Variants in KLHDC1 observed in about 807,000 individuals in gnomAD.
The protein encoded by KLHDC1 is kelch domain-containing protein 1.
In KLHDC1, 53 loss-of-function variants were observed where a neutral mutation model predicts 68.3. The observed-to-expected ratio is 0.78, with a 90% CI of 0.62 to 0.98. The LOEUF is 0.98. KLHDC1 is among the 50% of genes least tolerant of loss of function. The pLI is 0.00. For missense variants in KLHDC1, 470 were observed against 492.3 expected, an observed-to-expected ratio of 0.95 and a Z score of 0.43; for synonymous variants, 148 against 159.0, an observed-to-expected ratio of 0.93 and a Z score of 0.52.
chr14:49,745,696 G>A (rs1270387471), intron 12 of KLHDC1, among the ~76,000 whole-genome samples: 1 of 152,196 alleles, frequency 6.6e-6, no homozygotes, highest in Admixed American at 6.5e-5. Flanking sequence ...GGGTGTTAGT[G>A]TAAAGATATA....
At chr14:49,702,676 G>A (rs982238637) in intron 1 of KLHDC1, among the ~76,000 whole-genome samples, 1 of 152,070 alleles carries the variant, frequency 6.6e-6, no homozygotes, top group Admixed American at 6.6e-5. Context: ...TCAATGTCTA[G>A]AACTGGTTAC....
intron 6 of KLHDC1, among the ~76,000 whole-genome samples, chr14:49,727,724 T>A (rs1888706858): frequency 1.3e-5 from 2 of 152,208 alleles, no homozygotes. Flanking sequence ...CCAAAATTCT[T>A]AAGTGGTTCT....
chr14:49,723,973 T>G (rs1888603720), intron 5 of KLHDC1, 21 bp downstream of exon 5: 1 of 1,433,026 alleles, frequency 7.0e-7, no homozygotes, highest in African/African-American at 1.4e-5. Context: ...AATCACTGTT[T>G]ACATTTTCCT....
chr14:49,701,081 CA>C (rs1176668641), intron 1 of KLHDC1, among the ~76,000 whole-genome samples: 63 of 108,702 alleles, frequency 5.8e-4, no homozygotes, highest in Admixed American at 5.9e-4. Flanking sequence ...GACTCCATCT[CA>C]AAAAAAAAAA....
intron 7 of KLHDC1, 39 bp from the exon 8 acceptor site, chr14:49,729,451 A>T: frequency 7.2e-7 from 1 of 1,383,536 alleles, no homozygotes; most frequent in Non-Finnish European, 1.0e-6. Flanking sequence ...CTGATAAAAG[A>T]TGTGAAATAC....
intron 9 of KLHDC1, among the ~76,000 whole-genome samples, chr14:49,733,564 A>G (rs963383557): frequency 6.6e-6 from 1 of 151,210 alleles, no homozygotes; most frequent in African/African-American, 2.4e-5. Flanking sequence ...AGTAGCTGGG[A>G]TTACAGGTGC....
chr14:49,706,599 C>G (rs1279077752), intron 1 of KLHDC1, among the ~76,000 whole-genome samples: 2 of 152,200 alleles, frequency 1.3e-5, no homozygotes, highest in African/African-American at 2.4e-5. Context: ...TTCCCACCAA[C>G]AGTGTATGAG....
chr14:49,751,665 C>T lies in KLHDC1; in HGVS notation c.1114C>T (p.Gln372Ter), dbSNP rs769224507. Residue 372 changes from glutamine to a stop codon, truncating the protein, a stop_gained, in exon 13 of 13, where the codon CAA becomes TAA. Transcript: ENST00000359332. LOFTEE classifies it high-confidence loss of function. The stretch of plus-strand genomic sequence containing the variant: ...TTTATTACCTCCTAAACTTCTGCAA[C>T]AAGTACTCAAAAAAATAACATTTTG... ...ISLLPPKLLQ[Q>*]VLKKITFWAA... The T allele has an allele frequency of 6.2e-7, 1 of 1,604,326 alleles. No homozygotes were observed. The highest frequency in any genetic ancestry group is 1.3e-5 in the African/African-American group (1 of 74,472).
At chr14:49,704,634 G>A (rs987026913) in intron 1 of KLHDC1, among the ~76,000 whole-genome samples, 2 of 152,034 alleles carry the variant, frequency 1.3e-5, no homozygotes, top group African/African-American at 4.8e-5. Flanking sequence ...GACCTCAGGT[G>A]ATCTGCCCAC....
intron 5 of KLHDC1, among the ~76,000 whole-genome samples, chr14:49,725,416 C>A (rs1888642464): frequency 6.6e-6 from 1 of 152,298 alleles, no homozygotes; most frequent in South Asian, 2.1e-4. Context: ...AAAGATAATC[C>A]TTAGAGAAAA....
At chr14:49,694,625 G>A (rs1040095947) in intron 1 of KLHDC1, among the ~76,000 whole-genome samples, 2 of 152,010 alleles carry the variant, frequency 1.3e-5, no homozygotes, top group Non-Finnish European at 2.9e-5. Context: ...AGGCTGAGGC[G>A]GGTGGATTAC....
intron 12 of KLHDC1, among the ~76,000 whole-genome samples, chr14:49,750,270 A>T (rs988248979): frequency 6.6e-6 from 1 of 152,120 alleles, no homozygotes. Context: ...TAGACAATAG[A>T]AGTGCAGTTT....
chr14:49,737,249 A>G (rs978872205), intron 10 of KLHDC1, among the ~76,000 whole-genome samples: 2 of 152,162 alleles, frequency 1.3e-5, no homozygotes. Context: ...ATATCAATGT[A>G]TCTTCTATAA....
rs183187853 is a variant in KLHDC1, at chr14:49,750,328, T to C, written c.1035-1258T>C. Among the ~76,000 whole-genome samples the C allele has an allele frequency of 2.9e-3, 445 of 152,334 alleles. 2 individuals are homozygous for C. The highest frequency in any genetic ancestry group is 0.01 in the African/African-American group (431 of 41,580). On this transcript the variant is annotated intron_variant, in intron 12 of 12. Transcript: ENST00000359332. The stretch of plus-strand genomic sequence containing the variant: ...TAGGGCTTTGCAAATGTGGTTCTTC[T>C]AGCTGGAATACCTTTGTTTCTTTAA...
chr14:49,709,878 C>A, intron 3 of KLHDC1, 52 bp downstream of exon 3: 2 of 804,390 alleles, frequency 2.5e-6, no homozygotes, highest in South Asian at 1.9e-5. Flanking sequence ...TTTAATGCAT[C>A]ATTTCATCTC....
chr14:49,713,938 C>T (rs184651078), intron 4 of KLHDC1, among the ~76,000 whole-genome samples: 11 of 144,446 alleles, frequency 7.6e-5, no homozygotes, highest in Middle Eastern at 3.5e-3. Flanking sequence ...CTGTAACCTC[C>T]GCTTCCTGGG....
At chr14:49,731,776 C>T (rs760584153) in intron 8 of KLHDC1, among the ~76,000 whole-genome samples, 1 of 152,158 alleles carries the variant, frequency 6.6e-6, no homozygotes. Flanking sequence ...AACTCCTGGG[C>T]TTGAGCAATC....
chr14:49,740,277 A>G (rs1889028935), intron 11 of KLHDC1, 95 bp downstream of exon 11: 3 of 685,888 alleles, frequency 4.4e-6, no homozygotes, highest in Middle Eastern at 3.4e-4. Context: ...CTAACATTGC[A>G]AAATATGAAG....
chr14:49,693,748 C>CTTTTTT (rs1231129663), intron 1 of KLHDC1, among the ~76,000 whole-genome samples: 4,227 of 61,428 alleles, frequency 0.069, 1,321 homozygotes, highest in South Asian at 0.17. Context: ...TTTTCTTTTT[C>CTTTTTT]TTTTTTTTTT....
Sources: allele counts gnomAD v4.1 joint callset (sites outside exome capture counted in the v4.1 genomes callset), GRCh38; gene constraint gnomAD v4.1.1; transcripts MANE v1.5; gene names NCBI Gene and HGNC (gene_info 2026-07-23, HGNC 2026-07-21).